The following NREP variants were observed in gnomAD, a reference collection of about 807,000 sequenced individuals.
NREP encodes neuronal regeneration-related protein.
Under a neutral mutation model 8.6 loss-of-function variants are expected in NREP, and 5 were observed. The observed-to-expected ratio is 0.58, with a 90% CI of 0.30 to 1.22. NREP has a LOEUF of 1.22. NREP is among the 50% of genes most tolerant of loss of function. NREP has a pLI of 0.07. For missense variants in NREP, 86 were observed against 82.5 expected, an observed-to-expected ratio of 1.04 and a Z score of -0.17; for synonymous variants, 27 against 28.0, an observed-to-expected ratio of 0.96 and a Z score of 0.11.
rs558429585 is a variant in NREP, at chr5:111,913,623, A to G, written c.135+61651T>C. ...ACAGTAACAAAAGATAAAAGGAGGA[A>G]CTAATCAGACAATTGGGTAAGAGGA... On this transcript the variant is annotated intron_variant, in intron 2 of 3. Transcript: ENST00000395634. Among the ~76,000 whole-genome samples, 6 of 152,250 alleles carry G rather than the reference A, an allele frequency of 3.9e-5. No individual in the cohort carries two copies. In the South Asian group the frequency reaches 1.0e-3, roughly 26 times the overall value.
At chr5:111,896,832 T>C (rs1175291366) in intron 2 of NREP, among the ~76,000 whole-genome samples, 1 of 152,162 alleles carries the variant, frequency 6.6e-6, no homozygotes, top group Admixed American at 6.6e-5. Flanking sequence ...TATTAGACAC[T>C]GAGGTGGGGG....
At chr5:111,976,652 T>C in intron 1 of NREP, 2 of 1,411,960 alleles carry the variant, frequency 1.4e-6, no homozygotes, top group Non-Finnish European at 1.9e-6. Flanking sequence ...CTATAATTGT[T>C]TTCTTCCTTT....
chr5:111,763,011 C>T (rs1168248648), intron 2 of NREP, among the ~76,000 whole-genome samples: 2 of 152,280 alleles, frequency 1.3e-5, no homozygotes, highest in South Asian at 2.1e-4. Context: ...CTAAAATTCA[C>T]GGCTCGTTTT....
intron 2 of NREP, among the ~76,000 whole-genome samples, chr5:111,968,973 A>C (rs1756724527): frequency 6.6e-6 from 1 of 152,214 alleles, no homozygotes; most frequent in South Asian, 2.1e-4. Flanking sequence ...TTTTAGATAG[A>C]GTTAAAGAAC....
chr5:111,846,905 C>G (rs571078001), intron 2 of NREP, among the ~76,000 whole-genome samples: 10 of 152,084 alleles, frequency 6.6e-5, no homozygotes, highest in Non-Finnish European at 1.3e-4. Context: ...TCATTCATGT[C>G]CATTTTTCAT....
Position 111,838,850 on chromosome 5 carries a change from G to A in NREP, c.136-103343C>T, listed in dbSNP as rs182927575. Among the ~76,000 whole-genome samples the A allele has an allele frequency of 1.7e-4, 26 of 152,134 alleles. No individual in the cohort carries two copies. In the East Asian group the frequency reaches 4.8e-3, roughly 28 times the overall value. ...CACATATATAGAAATAGATACATAT[G>A]TGTAGCTGATGTATACACAGATGAG... On this transcript the variant is annotated intron_variant, in intron 2 of 3. Coordinates refer to the NREP transcript ENST00000395634.
At chr5:111,886,719 A>G (rs1197169624) in intron 2 of NREP, among the ~76,000 whole-genome samples, 1 of 151,282 alleles carries the variant, frequency 6.6e-6, no homozygotes, top group Non-Finnish European at 1.5e-5. Flanking sequence ...AACTATCGCA[A>G]GAACAAAAAA....
At chr5:111,895,732 C>G (rs1020251225) in intron 2 of NREP, among the ~76,000 whole-genome samples, 9 of 152,128 alleles carry the variant, frequency 5.9e-5, no homozygotes, top group African/African-American at 1.9e-4. Flanking sequence ...TATTCCTTAG[C>G]CTCTACCCAA....
intron 2 of NREP, among the ~76,000 whole-genome samples, chr5:111,771,244 G>C (rs912820234): frequency 3.9e-5 from 6 of 152,128 alleles, no homozygotes; most frequent in Non-Finnish European, 8.8e-5. Flanking sequence ...AGTATGTAAA[G>C]CACATTCACC....
At chr5:111,961,919 A>G (rs1466825846) in intron 2 of NREP, among the ~76,000 whole-genome samples, 1 of 152,242 alleles carries the variant, frequency 6.6e-6, no homozygotes, top group Non-Finnish European at 1.5e-5. Context: ...ATTGGGGAGA[A>G]TGTCAGTGAG....
upstream of NREP, among the ~76,000 whole-genome samples, chr5:111,762,135 A>T (rs556166116): frequency 1.3e-5 from 2 of 152,252 alleles, no homozygotes; most frequent in East Asian, 3.9e-4. Flanking sequence ...AAGTTGCATT[A>T]TGGAGTTAGA....
chr5:111,971,919 G>A (rs1350076818), intron 2 of NREP, among the ~76,000 whole-genome samples: 2 of 151,700 alleles, frequency 1.3e-5, no homozygotes, highest in Non-Finnish European at 2.9e-5. Context: ...AAAAACATCT[G>A]CACAAAAAAG....
At chr5:111,862,511 G>A (rs965019230) in intron 2 of NREP, among the ~76,000 whole-genome samples, 2 of 152,130 alleles carry the variant, frequency 1.3e-5, no homozygotes, top group East Asian at 1.9e-4. Flanking sequence ...TTGGGAGGTT[G>A]AGGGATGTAT....
At chr5:111,752,121 A>T (rs1750399203) in intron 2 of NREP, among the ~76,000 whole-genome samples, 1 of 152,214 alleles carries the variant, frequency 6.6e-6, no homozygotes, top group Non-Finnish European at 1.5e-5. Context: ...TCATCTCAGG[A>T]TTTAAAACAA....
upstream of NREP, chr5:111,758,093 T>C (rs888454484): frequency 6.1e-6 from 6 of 985,376 alleles, no homozygotes; most frequent in African/African-American, 7.0e-5. Flanking sequence ...AAGGATGCAT[T>C]TGCACACGGC....
intron 2 of NREP, among the ~76,000 whole-genome samples, chr5:111,828,133 C>A (rs543184737): frequency 4.6e-5 from 7 of 151,862 alleles, no homozygotes; most frequent in African/African-American, 1.7e-4. Flanking sequence ...CAGGTTCAAG[C>A]GATTCTTCTG....
chr5:111,956,689 C>T (rs1224553519), intron 2 of NREP, among the ~76,000 whole-genome samples: 2 of 151,960 alleles, frequency 1.3e-5, no homozygotes, highest in Non-Finnish European at 2.9e-5. Flanking sequence ...TAAGGCTGAG[C>T]GTGGTGGTTC....
intron 2 of NREP, among the ~76,000 whole-genome samples, chr5:111,939,328 C>T (rs897667920): frequency 3.9e-5 from 6 of 152,036 alleles, no homozygotes; most frequent in African/African-American, 1.4e-4. Flanking sequence ...AGGAAAAATA[C>T]AAGGAGCTAT....
chr5:111,835,862 G>A (rs1376104206), intron 2 of NREP, among the ~76,000 whole-genome samples: 1 of 152,088 alleles, frequency 6.6e-6, no homozygotes, highest in Admixed American at 6.6e-5. Flanking sequence ...TGACCAGAAG[G>A]TGAGTAGAAA....
Sources: gnomAD v4.1 joint callset for allele counts (sites outside exome capture counted in the v4.1 genomes callset) on GRCh38, gnomAD v4.1.1 for gene constraint, MANE v1.5 for transcripts, NCBI Gene and HGNC (gene_info 2026-07-23, HGNC 2026-07-21) for gene names.